Variants in JARID2 observed in about 807,000 individuals in gnomAD.
The protein encoded by JARID2 is jumonji and AT-rich interaction domain containing 2.
A neutral mutation model predicts 125.6 loss-of-function variants in JARID2; 21 were observed. The observed-to-expected ratio is 0.17, with a 90% CI of 0.12 to 0.24. The LOEUF (loss-of-function observed/expected upper bound fraction) is 0.24, where lower values mean the gene tolerates loss of function less well. JARID2 is among the 10% of genes least tolerant of loss of function. The pLI is 1.00. For synonymous variants in JARID2, 736 were observed against 661.6 expected (o/e 1.11, Z -1.73); for missense variants, 1,303 against 1,639.6 (o/e 0.79, Z 3.55).
At chr6:15,346,032 T>C (rs1048553017) in intron 1 of JARID2, among the ~76,000 whole-genome samples, 5 of 152,248 alleles carry the variant, frequency 3.3e-5, no homozygotes, top group South Asian at 2.1e-4. Flanking sequence ...TTAGAAATAA[T>C]GAATTATTAT....
chr6:15,319,940 T>C (rs1159471529), intron 1 of JARID2, among the ~76,000 whole-genome samples: 1 of 152,250 alleles, frequency 6.6e-6, no homozygotes, highest in Admixed American at 6.5e-5. Context: ...CTTGACTCTT[T>C]CCTTATTCGA....
chr6:15,441,772 T>G (rs1767455556), intron 3 of JARID2, among the ~76,000 whole-genome samples: 1 of 152,062 alleles, frequency 6.6e-6, no homozygotes, highest in South Asian at 2.1e-4. Flanking sequence ...TGGATTTTCT[T>G]TATTTATTTA....
At chr6:15,372,090 T>C (rs751819403) in intron 1 of JARID2, among the ~76,000 whole-genome samples, 11 of 152,212 alleles carry the variant, frequency 7.2e-5, no homozygotes, top group Non-Finnish European at 1.6e-4. Flanking sequence ...AGAGTCTCTA[T>C]GATGTTGGAT....
intron 1 of JARID2, among the ~76,000 whole-genome samples, chr6:15,339,897 G>GA (rs1369141509): frequency 1.3e-5 from 2 of 151,988 alleles, no homozygotes; most frequent in East Asian, 3.8e-4. Flanking sequence ...TCACCAGGGA[G>GA]AAAAAACTCA....
At chr6:15,420,399 T>TA (rs35773283) in intron 3 of JARID2, among the ~76,000 whole-genome samples, 67,630 of 143,166 alleles carry the variant, frequency 0.47, 15,370 homozygotes, top group South Asian at 0.57. Flanking sequence ...CAAGACTCCA[T>TA]AAAAAAAAAA....
intron 1 of JARID2, among the ~76,000 whole-genome samples, chr6:15,271,223 C>T (rs1275924485): frequency 6.6e-6 from 1 of 151,942 alleles, no homozygotes; most frequent in East Asian, 1.9e-4. Flanking sequence ...AGGATTGGGA[C>T]CAAGGGAGGT....
At chr6:15,379,671 C>G (rs758617828) in intron 2 of JARID2, among the ~76,000 whole-genome samples, 21 of 152,178 alleles carry the variant, frequency 1.4e-4, no homozygotes, top group Non-Finnish European at 2.5e-4. Context: ...GGCTAGCCTA[C>G]CTTGAGTTCT....
chr6:15,250,502 G>A (rs1462489852), intron 1 of JARID2, among the ~76,000 whole-genome samples: 1 of 152,130 alleles, frequency 6.6e-6, no homozygotes, highest in Non-Finnish European at 1.5e-5. Context: ...GTGTTACTTA[G>A]GTGCAGGGCA....
At chr6:15,257,884 A>G (rs1001052007) in intron 1 of JARID2, among the ~76,000 whole-genome samples, 2 of 152,240 alleles carry the variant, frequency 1.3e-5, no homozygotes, top group African/African-American at 4.8e-5. Flanking sequence ...GAGATAAGAT[A>G]TGTGAAAGCA....
At chr6:15,474,510 G>A (rs534588796) in intron 5 of JARID2, among the ~76,000 whole-genome samples, 6 of 150,626 alleles carry the variant, frequency 4.0e-5, no homozygotes, top group African/African-American at 1.5e-4. Flanking sequence ...TCTTGGGCAA[G>A]GTATTTACTT....
Position 15,413,006 on chromosome 6 carries a change from TTGTTTTTTTTTTTTTTG to T in JARID2, c.323+2643_323+2659del, listed in dbSNP as rs757186471. On this transcript the variant is annotated intron_variant, in intron 3 of 17. Coordinates refer to ENST00000341776, the MANE Select transcript of JARID2 (RefSeq NM_004973.4). The stretch of plus-strand genomic sequence containing the variant: ...TTATACATGGGAAGAGCTTGTGTTT[TTGTTTTTTTTTTTTTTG>T]TTTTTTTTTTTTTGAGACTGAGTTT... Among the ~76,000 whole-genome samples the T allele has an allele frequency of 1.5e-3, 87 of 58,636 alleles. 8 individuals are homozygous for T. Among genetic ancestry groups the T allele is most frequent in the African/African-American group, 7.2e-3 (73 of 10,088 alleles). 38.5% of individuals were successfully genotyped at this position (58,636 alleles called of 152,430 possible). A position where few individuals can be genotyped will look rare whatever the true frequency, so the allele number is the denominator to read the frequency against.
chr6:15,451,879 A>G, intron 3 of JARID2, 127 bp from the exon 4 acceptor site: 1 of 897,374 alleles, frequency 1.1e-6, no homozygotes, highest in Non-Finnish European at 1.6e-6. Context: ...ATAGAACCTT[A>G]ATTAGGAAGA....
intron 1 of JARID2, chr6:15,248,400 C>A (rs1245921537): frequency 1.4e-5 from 1 of 69,326 alleles, no homozygotes; most frequent in Non-Finnish European, 2.8e-5. Context: ...GCGCGGCCTG[C>A]GGGGCGCGGG....
At chr6:15,499,757 C>G (rs191343861) in intron 7 of JARID2, among the ~76,000 whole-genome samples, 260 of 152,206 alleles carry the variant, frequency 1.7e-3, no homozygotes, top group Middle Eastern at 6.8e-3. Flanking sequence ...CCCCAACTCC[C>G]CTGTTCTCCA....
chr6:15,438,259 A>C (rs1767297039), intron 3 of JARID2, among the ~76,000 whole-genome samples: 1 of 152,162 alleles, frequency 6.6e-6, no homozygotes, highest in African/African-American at 2.4e-5. Flanking sequence ...CTCTTTGATC[A>C]AAGGGAGACC....
chr6:15,295,640 G>T (rs868833826), intron 1 of JARID2, among the ~76,000 whole-genome samples: 2 of 152,014 alleles, frequency 1.3e-5, no homozygotes, highest in Non-Finnish European at 2.9e-5. Context: ...TACTGAATAG[G>T]CCCTTTGCCA....
At chr6:15,269,387 C>T (rs1286924516) in intron 1 of JARID2, among the ~76,000 whole-genome samples, 1 of 152,078 alleles carries the variant, frequency 6.6e-6, no homozygotes, top group Non-Finnish European at 1.5e-5. Context: ...TTTTAAGAGA[C>T]AGGGTCTGTT....
chr6:15,371,292 G>A (rs891026205), intron 1 of JARID2, among the ~76,000 whole-genome samples: 9 of 152,288 alleles, frequency 5.9e-5, no homozygotes, highest in East Asian at 1.9e-4. Context: ...GCAATAAATC[G>A]TCATGGGAAT....
chr6:15,378,695 C>T (rs1447254885), intron 2 of JARID2, among the ~76,000 whole-genome samples: 1 of 152,106 alleles, frequency 6.6e-6, no homozygotes, highest in Non-Finnish European at 1.5e-5. Flanking sequence ...TGGATCTTTG[C>T]AATAGGAATA....
Sources: allele counts gnomAD v4.1 joint callset (sites outside exome capture counted in the v4.1 genomes callset), GRCh38; gene constraint gnomAD v4.1.1; transcripts MANE v1.5; gene names NCBI Gene and HGNC (gene_info 2026-07-23, HGNC 2026-07-21).